Variants in RNF135 observed in about 807,000 individuals in gnomAD.
RNF135 encodes the protein ring finger protein 135, also known as E3 ubiquitin-protein ligase RNF135.
A neutral mutation model predicts 41.9 loss-of-function variants in RNF135; 46 were observed. The ratio of observed to expected loss-of-function variants is 1.10; its 90% CI spans 0.87 to 1.40. RNF135 has a LOEUF of 1.40. RNF135 is among the 40% of genes most tolerant of loss of function. The probability of loss-of-function intolerance (pLI) is 0.00; values close to 1 mark genes in which losing one functional copy is unlikely to be tolerated. For missense variants in RNF135, 539 were observed against 549.8 expected (o/e 0.98, Z 0.20); for synonymous variants, 238 against 223.8 (o/e 1.06, Z -0.57).
At chr17:30,979,654 C>A (rs1323283329) in intron 1 of RNF135, among the ~76,000 whole-genome samples, 1 of 98,672 alleles carries the variant, frequency 1.0e-5, no homozygotes, top group Admixed American at 1.0e-4. Flanking sequence ...GCTGGCCAGG[C>A]GGGGGGCTGA....
intron 1 of RNF135, among the ~76,000 whole-genome samples, chr17:30,977,163 T>C (rs1164034860): frequency 6.6e-6 from 1 of 152,178 alleles, no homozygotes; most frequent in Non-Finnish European, 1.5e-5. Flanking sequence ...TAACCTATTG[T>C]TTTAAGCTGA....
chr17:30,970,809 G>A, upstream of RNF135: 1 of 548,624 alleles, frequency 1.8e-6, no homozygotes, highest in Non-Finnish European at 3.2e-6. Context: ...AGACCTCCGC[G>A]GGTTTCTAGC....
intron 4 of RNF135, 49 bp downstream of exon 4, chr17:30,997,380 G>T (rs1325276793): frequency 6.7e-7 from 1 of 1,503,096 alleles, no homozygotes; most frequent in Non-Finnish European, 9.3e-7. Context: ...CCGCAGAGCG[G>T]GCTTCGAGAA....
the RNF135 span, among the ~76,000 whole-genome samples, chr17:30,961,905 A>C: frequency 6.6e-6 from 1 of 152,144 alleles, no homozygotes; most frequent in African/African-American, 2.4e-5. Flanking sequence ...ACTACTGTGC[A>C]TGTGCACCCA....
At chr17:30,984,301 T>C (rs1907429941) in intron 1 of RNF135, among the ~76,000 whole-genome samples, 1 of 152,226 alleles carries the variant, frequency 6.6e-6, no homozygotes, top group Admixed American at 6.5e-5. Context: ...TTTAGGTCTT[T>C]GATCCATTTT....
intron 1 of RNF135, among the ~76,000 whole-genome samples, chr17:30,982,680 TCTTGC>T (rs1450083127): frequency 3.3e-5 from 5 of 152,196 alleles, no homozygotes; most frequent in Non-Finnish European, 7.3e-5. Flanking sequence ...TATTTGGCTA[TCTTGC>T]TCTGCCCTCT....
chr17:30,971,553 C>T (rs1013991218), intron 1 of RNF135, 108 bp downstream of exon 1: 3 of 1,374,914 alleles, frequency 2.2e-6, no homozygotes, highest in Non-Finnish European at 2.8e-6. Flanking sequence ...CTTTTACGTT[C>T]CTTTTCTCAG....
intron 1 of RNF135, chr17:30,978,595 T>C (rs905171922): frequency 1.4e-5 from 2 of 143,266 alleles, no homozygotes; most frequent in African/African-American, 6.1e-5. Context: ...ATTTCTTTTT[T>C]TTATTTATTT....
At chr17:30,963,063 C>T in the RNF135 span, among the ~76,000 whole-genome samples, 4 of 131,442 alleles carry the variant, frequency 3.0e-5, no homozygotes, top group African/African-American at 1.1e-4. Flanking sequence ...CTTATATCTT[C>T]TTTGATGAAG....
chr17:30,986,878 ATCT>A (rs1177019848), intron 2 of RNF135, among the ~76,000 whole-genome samples: 1 of 152,220 alleles, frequency 6.6e-6, no homozygotes, highest in Non-Finnish European at 1.5e-5. Context: ...CATGAATTTC[ATCT>A]TCTTTTGTAA....
At chr17:30,983,994 A>C (rs1907411418) in intron 1 of RNF135, among the ~76,000 whole-genome samples, 1 of 152,126 alleles carries the variant, frequency 6.6e-6, no homozygotes, top group Admixed American at 6.5e-5. Context: ...AACAAGCGGC[A>C]GTGATATGTT....
rs930675239 is a variant in RNF135 at position 30,971,444 on chromosome 17, G to A, written c.371G>A (p.Arg124Gln). 3 of 1,502,242 alleles carry A rather than the reference G, an allele frequency of 2.0e-6. No individual in the cohort carries two copies. The highest frequency in any genetic ancestry group is 2.7e-5 in the East Asian group (1 of 37,096). 93.1% of individuals were successfully genotyped at this position (1,502,242 alleles called of 1,614,324 possible). The change falls in exon 1 of 5, where the codon CGG (arginine) becomes CAG (glutamine). Residue 124 changes from arginine (R) to glutamine (Q), a missense_variant and splice_region_variant. Physicochemically the swap from Arg to Gln is conservative, Grantham distance 43. This residue lies in a region of RNF135 where 277 missense variants were observed against 212.8 expected (regional missense o/e 1.30). Transcript: ENST00000328381. ...CCCCGGCGCCGCCCGGAACTGCAGC[G>A]GGTAGGGAGGCCGGGCCCGCAGCTC... ...ARPRRRPELQ[R>Q]VAVEKSITEV...
intron 1 of RNF135, among the ~76,000 whole-genome samples, chr17:30,979,358 C>CG (rs1367918419): frequency 9.2e-6 from 1 of 108,924 alleles, no homozygotes. Flanking sequence ...GCTGGCCGGG[C>CG]GGGGGGCTGT....
the RNF135 span, among the ~76,000 whole-genome samples, chr17:30,963,198 C>T: frequency 9.3e-5 from 14 of 150,450 alleles, no homozygotes; most frequent in African/African-American, 3.4e-4. Context: ...ATCCACAGAC[C>T]CCTCACCTCA....
chr17:30,999,782 AT>A lies in RNF135; in HGVS notation c.*593del. On this transcript the variant is annotated 3_prime_UTR_variant, in exon 5 of 5. Coordinates refer to ENST00000328381, the MANE Select transcript of RNF135 (RefSeq NM_032322.4). ...CACATCATTGCTGGGAGAATTAAGCATTATCCTGAAGACTCTGCCAGGAGAG... is the reference window on the plus strand; with the variant it reads ...CACATCATTGCTGGGAGAATTAAGCATATCCTGAAGACTCTGCCAGGAGAG... The A allele has an allele frequency of 6.4e-6, 1 of 157,116 alleles. No homozygotes were observed. Among genetic ancestry groups the A allele is most frequent in the Middle Eastern group, 3.4e-3 (1 of 294 alleles). The allele number at this position is 157,116 out of a possible 1,614,324, so 9.7% of individuals were successfully genotyped here.
the RNF135 span, among the ~76,000 whole-genome samples, chr17:30,960,005 AAAAG>A: frequency 6.6e-6 from 1 of 151,442 alleles, no homozygotes; most frequent in Non-Finnish European, 1.5e-5. Flanking sequence ...AAAAAAAAGA[AAAAG>A]AAAAGAAAAT....
rs1043893533 is a variant in RNF135, at chr17:30,999,614, C to T, written c.*423C>T. ...GCCATGCAGTATCAGCTTGACCTTGCAAGGTCAAGCTGAGGAGACTAAGTT... is the reference window on the plus strand; with the variant it reads ...GCCATGCAGTATCAGCTTGACCTTGTAAGGTCAAGCTGAGGAGACTAAGTT... On this transcript the variant is annotated 3_prime_UTR_variant, in exon 5 of 5. Transcript: ENST00000328381. 4 of 200,258 alleles carry T rather than the reference C, an allele frequency of 2.0e-5. No homozygotes were observed. Among genetic ancestry groups the T allele is most frequent in the South Asian group, 9.2e-5 (1 of 10,820 alleles). The allele number at this position is 200,258 out of a possible 1,614,324, so 12.4% of individuals were successfully genotyped here. A position where few individuals can be genotyped will look rare whatever the true frequency, so the allele number is the denominator to read the frequency against.
At chr17:30,977,599 C>T (rs1341802404) in intron 1 of RNF135, among the ~76,000 whole-genome samples, 2 of 152,162 alleles carry the variant, frequency 1.3e-5, no homozygotes, top group Non-Finnish European at 1.5e-5. Context: ...GTCTTGAACT[C>T]CTGACCTCAA....
the RNF135 span, among the ~76,000 whole-genome samples, chr17:30,963,702 T>C: frequency 6.6e-6 from 1 of 152,256 alleles, no homozygotes. Context: ...TTTTTCATTC[T>C]GTAAGAGTGT....
Sources: allele counts gnomAD v4.1 joint callset (sites outside exome capture counted in the v4.1 genomes callset), GRCh38; gene constraint gnomAD v4.1.1; regional missense constraint gnomAD v4.1.1; transcripts MANE v1.5; gene names NCBI Gene and HGNC (gene_info 2026-07-23, HGNC 2026-07-21).